The following CSF2RA variants were observed in gnomAD, a reference collection of about 807,000 sequenced individuals.
The protein encoded by CSF2RA is colony stimulating factor 2 receptor subunit alpha.
In CSF2RA, 42 loss-of-function variants were observed where a neutral mutation model predicts 51.6. The ratio of observed to expected loss-of-function variants is 0.81; its 90% CI spans 0.64 to 1.05. CSF2RA has a LOEUF of 1.05. Among genes scored for constraint, CSF2RA ranks in the 50% least tolerant of loss-of-function variants. The pLI, the probability that CSF2RA is intolerant of heterozygous loss-of-function variation, is 0.00. For missense variants in CSF2RA, 530 were observed against 501.1 expected (o/e 1.06, Z -0.55); for synonymous variants, 222 against 193.0 (o/e 1.15, Z -1.24).
At chrX:1,291,361 C>T (rs1170305732) in intron 7 of CSF2RA, among the ~76,000 whole-genome samples, 1 of 148,266 alleles carries the variant, frequency 6.7e-6, no homozygotes, top group Non-Finnish European at 1.5e-5. Context: ...TTCCCTCCCT[C>T]CCTCTCTCCC....
downstream of CSF2RA, among the ~76,000 whole-genome samples, chrX:1,314,813 CCACTGTGCCTGCCCAACCG>C (rs1569515018): frequency 1.2e-4 from 9 of 73,964 alleles, no homozygotes; most frequent in East Asian, 3.9e-4. Context: ...CTGCCCAACC[CCACTGTGCCTGCCCAACCG>C]CACTGCACCT....
Position 1,285,864 on chromosome X carries a change from A to G in CSF2RA, c.163A>G (p.Thr55Ala), listed in dbSNP as rs759542097. ...MNLSWDCQEN[T>A]TFSKCFLTDK... The stretch of plus-strand genomic sequence containing the variant: ...TTTAAGCTGGGACTGCCAAGAAAAC[A>G]CAACCTTCAGCAAGTGTTTCTTAAC... Residue 55 changes from threonine (T) to alanine (A), a missense_variant, in exon 4 of 13, where the codon ACA becomes GCA. Coordinates refer to ENST00000381529, the MANE Select transcript of CSF2RA (RefSeq NM_172245.4). 2.6e-5 allele frequency: 42 copies of G among 1,613,856 alleles called. No homozygotes were observed. Among genetic ancestry groups the G allele is most frequent in the Non-Finnish European group, 2.7e-5 (32 of 1,179,868 alleles).
chrX:1,316,287 TAGATA>T, the CSF2RA span, among the ~76,000 whole-genome samples: 1 of 148,372 alleles, frequency 6.7e-6, no homozygotes, highest in Non-Finnish European at 1.5e-5. Context: ...GATAGATAGA[TAGATA>T]GATAGATAGA....
At chrX:1,302,924 T>G (rs2083142664) in intron 10 of CSF2RA, 1 of 261,472 alleles carries the variant, frequency 3.8e-6, no homozygotes, top group East Asian at 6.0e-5. Flanking sequence ...CAGGCTGGAG[T>G]GCAATGGCAC....
At chrX:1,319,872 G>C in the CSF2RA span, among the ~76,000 whole-genome samples, 2 of 143,014 alleles carry the variant, frequency 1.4e-5, no homozygotes, top group African/African-American at 5.2e-5. Context: ...GTGCCACCAC[G>C]CCTGGCTAAT....
chrX:1,315,812 TAGATAGATTAGA>T, the CSF2RA span, among the ~76,000 whole-genome samples: 909 of 137,004 alleles, frequency 6.6e-3, 9 homozygotes, highest in East Asian at 0.023. Flanking sequence ...GATAGATAGA[TAGATAGATTAGA>T]TAGATGAATG....
intron 5 of CSF2RA, 34 bp from the exon 6 acceptor site, chrX:1,288,725 G>A (rs1378670843): frequency 6.2e-7 from 1 of 1,613,920 alleles, no homozygotes; most frequent in East Asian, 2.2e-5. Flanking sequence ...TTGAACTTCG[G>A]AGTGAAAATT....
intron 7 of CSF2RA, chrX:1,293,920 C>T: frequency 3.1e-6 from 1 of 318,246 alleles, no homozygotes; most frequent in Non-Finnish European, 6.2e-6. Flanking sequence ...GACTCTGCCC[C>T]ATCTCCACCT....
chrX:1,287,482 C>T lies in CSF2RA; in HGVS notation c.220-1037C>T, dbSNP rs760139923. Reference sequence around the variant, plus strand: ...TTTTTGGGATGGAGTCTCGCTCTGTCGCCCAGGCTGGAGTGCACTGGCGTG... The same window carrying T: ...TTTTTGGGATGGAGTCTCGCTCTGTTGCCCAGGCTGGAGTGCACTGGCGTG... On this transcript the variant is annotated intron_variant, in intron 4 of 12. Coordinates refer to ENST00000381529, the MANE Select transcript of CSF2RA (RefSeq NM_172245.4). Among the ~76,000 whole-genome samples, 109 of 134,412 alleles carry T rather than the reference C, an allele frequency of 8.1e-4. 1 individual carries two copies. The highest frequency in any genetic ancestry group is 3.0e-3 in the African/African-American group (107 of 35,262). The allele number at this position is 134,412 out of a possible 152,430, so 88.2% of individuals were successfully genotyped here. A position where few individuals can be genotyped will look rare whatever the true frequency, so the allele number is the denominator to read the frequency against.
intron 10 of CSF2RA, among the ~76,000 whole-genome samples, chrX:1,301,979 C>T (rs1295364631): frequency 3.4e-5 from 5 of 146,734 alleles, no homozygotes; most frequent in Admixed American, 7.0e-5. Flanking sequence ...TGCAGTGGTG[C>T]CATCTCGGCT....
At chrX:1,269,772 G>A (rs1341939304) in intron 1 of CSF2RA, among the ~76,000 whole-genome samples, 1 of 151,898 alleles carries the variant, frequency 6.6e-6, no homozygotes, top group Non-Finnish European at 1.5e-5. Context: ...AGAAAGAACT[G>A]GAGGCAAGTT....
intron 10 of CSF2RA, among the ~76,000 whole-genome samples, chrX:1,301,853 A>G (rs1260176175): frequency 6.0e-5 from 8 of 134,322 alleles, no homozygotes; most frequent in African/African-American, 2.3e-4. Flanking sequence ...TGATCCGCCC[A>G]CCTCGGCCTC....
In CSF2RA at chrX:1,284,660, A is replaced by ATTTT. The variant is rs61159606; in HGVS notation, c.77-1099_77-1096dup. ...GCTATGTTGCCAAGACTAGTTTTTG[A>ATTTT]TTTTTTTTTTTTTTTTTTTTTTGAG... is the stretch of plus-strand genomic sequence containing the variant. On this transcript the variant is annotated intron_variant, in intron 3 of 12. Coordinates refer to ENST00000381529, the MANE Select transcript of CSF2RA (RefSeq NM_172245.4). Among the ~76,000 whole-genome samples the ATTTT allele has an allele frequency of 7.8e-4, 19 of 24,446 alleles. 1 individual carries two copies. Among genetic ancestry groups the ATTTT allele is most frequent in the Admixed American group, 1.4e-3 (2 of 1,432 alleles). 16.0% of individuals were successfully genotyped at this position (24,446 alleles called of 152,430 possible).
At chrX:1,292,151 G>C (rs2091468434) in intron 7 of CSF2RA, among the ~76,000 whole-genome samples, 1 of 150,678 alleles carries the variant, frequency 6.6e-6, no homozygotes, top group South Asian at 2.1e-4. Context: ...CGTCCACCTG[G>C]ACCCAGTGTA....
intron 6 of CSF2RA, among the ~76,000 whole-genome samples, chrX:1,289,945 GTGTTT>G (rs1312645176): frequency 5.1e-5 from 4 of 78,280 alleles, no homozygotes; most frequent in African/African-American, 1.0e-4. Context: ...TTGTGTTTTT[GTGTTT>G]TGTTTTGTGT....
At chrX:1,322,182 C>T in the CSF2RA span, among the ~76,000 whole-genome samples, 3 of 151,662 alleles carry the variant, frequency 2.0e-5, no homozygotes, top group Admixed American at 6.6e-5. Flanking sequence ...CTCTGGTCAA[C>T]GCAACCTCCA....
chrX:1,296,252 C>A (rs1159799513), intron 9 of CSF2RA, among the ~76,000 whole-genome samples: 1 of 150,212 alleles, frequency 6.7e-6, no homozygotes, highest in Non-Finnish European at 1.5e-5. Context: ...CTCACAACCC[C>A]TAGTGTAACC....
chrX:1,320,086 G>A, the CSF2RA span, among the ~76,000 whole-genome samples: 3 of 151,948 alleles, frequency 2.0e-5, no homozygotes, highest in Non-Finnish European at 4.4e-5. Context: ...TAGTACAGAC[G>A]GGATTTCACC....
chrX:1,300,991 T>C (rs182240029), intron 10 of CSF2RA, among the ~76,000 whole-genome samples: 3 of 151,794 alleles, frequency 2.0e-5, no homozygotes, highest in Admixed American at 1.3e-4. Context: ...CCGTCTCTAC[T>C]AAAAATACAA....
Sources: allele counts gnomAD v4.1 joint callset (sites outside exome capture counted in the v4.1 genomes callset), GRCh38; gene constraint gnomAD v4.1.1; transcripts MANE v1.5; gene names NCBI Gene and HGNC (gene_info 2026-07-23, HGNC 2026-07-21).